Variants in EDIL3 observed in about 807,000 individuals in gnomAD.
EDIL3 encodes the protein EGF like and discoidin domains 3.
A neutral mutation model predicts 67.4 loss-of-function variants in EDIL3; 37 were observed. The ratio of observed to expected loss-of-function variants is 0.55; its 90% CI spans 0.42 to 0.72. EDIL3 has a LOEUF of 0.72. Among genes scored for constraint, EDIL3 ranks in the 30% least tolerant of loss-of-function variants. EDIL3 has a pLI of 0.00. For missense variants in EDIL3, 527 were observed against 586.3 expected (o/e 0.90, Z 1.04); for synonymous variants, 195 against 196.3 (o/e 0.99, Z 0.05).
chr5:84,342,145 TG>T (rs1286056724), intron 1 of EDIL3, among the ~76,000 whole-genome samples: 1 of 151,894 alleles, frequency 6.6e-6, no homozygotes, highest in Non-Finnish European at 1.5e-5. Flanking sequence ...GAAAATAGAG[TG>T]TATATAGACA....
At chr5:83,958,985 G>T (rs1447014508) in intron 10 of EDIL3, among the ~76,000 whole-genome samples, 1 of 151,040 alleles carries the variant, frequency 6.6e-6, no homozygotes, top group Non-Finnish European at 1.5e-5. Flanking sequence ...GTCATCACAG[G>T]CTCAATTACA....
chr5:84,202,576 G>T (rs1205746456), intron 3 of EDIL3, among the ~76,000 whole-genome samples: 1 of 152,142 alleles, frequency 6.6e-6, no homozygotes, highest in African/African-American at 2.4e-5. Context: ...CTAAAGAAAA[G>T]AGTGGAAATA....
intron 8 of EDIL3, among the ~76,000 whole-genome samples, chr5:84,063,823 C>T (rs1231744090): frequency 6.6e-6 from 1 of 152,090 alleles, no homozygotes; most frequent in East Asian, 1.9e-4. Context: ...AGCACACACG[C>T]ACTTTTAGTT....
At chr5:83,957,895 A>G (rs987339658) in intron 10 of EDIL3, among the ~76,000 whole-genome samples, 12 of 151,622 alleles carry the variant, frequency 7.9e-5, no homozygotes, top group African/African-American at 2.9e-4. Context: ...AACTGAATAC[A>G]CAGTTGGATG....
intron 4 of EDIL3, among the ~76,000 whole-genome samples, chr5:84,159,204 C>A (rs551284611): frequency 2.0e-5 from 3 of 152,020 alleles, no homozygotes; most frequent in Non-Finnish European, 4.4e-5. Flanking sequence ...AAGGCAATAT[C>A]TATCTATTAT....
chr5:84,305,997 C>G (rs1746269232), intron 1 of EDIL3, among the ~76,000 whole-genome samples: 1 of 151,960 alleles, frequency 6.6e-6, no homozygotes, highest in African/African-American at 2.4e-5. Flanking sequence ...ATTCTCTGAT[C>G]TACAAATGAA....
At chr5:84,176,016 T>C (rs944828075) in intron 4 of EDIL3, among the ~76,000 whole-genome samples, 5 of 151,408 alleles carry the variant, frequency 3.3e-5, no homozygotes, top group African/African-American at 7.3e-5. Context: ...AAGTGAAATA[T>C]GGAAGTTACA....
At chr5:84,015,286 A>G (rs1745583230) in intron 9 of EDIL3, among the ~76,000 whole-genome samples, 1 of 152,196 alleles carries the variant, frequency 6.6e-6, no homozygotes, top group South Asian at 2.1e-4. Flanking sequence ...TTAAATGATA[A>G]AAGTCATCTA....
At chr5:84,142,650 T>C (rs145609504) in intron 4 of EDIL3, among the ~76,000 whole-genome samples, 9 of 152,150 alleles carry the variant, frequency 5.9e-5, no homozygotes, top group African/African-American at 1.4e-4. Context: ...GGGATAGATA[T>C]CTATCTAACC....
chr5:84,373,150 T>A (rs1288712678), intron 1 of EDIL3, among the ~76,000 whole-genome samples: 1 of 152,166 alleles, frequency 6.6e-6, no homozygotes, highest in Non-Finnish European at 1.5e-5. Context: ...TTCCTTAGTA[T>A]AAGTACTCCT....
chr5:84,078,717 C>A (rs1484649214), intron 6 of EDIL3: 1 of 152,134 alleles, frequency 6.6e-6, no homozygotes, highest in Non-Finnish European at 1.5e-5. Context: ...GGGGAAAAAT[C>A]ATTGGTTTCT....
At chr5:84,225,275 A>T (rs1458866906) in intron 3 of EDIL3, among the ~76,000 whole-genome samples, 1 of 151,676 alleles carries the variant, frequency 6.6e-6, no homozygotes, top group Non-Finnish European at 1.5e-5. Context: ...CATCCCCTCT[A>T]CGAGTCAACA....
At chr5:83,990,072 T>C (rs1017366705) in intron 9 of EDIL3, among the ~76,000 whole-genome samples, 2 of 152,296 alleles carry the variant, frequency 1.3e-5, no homozygotes, top group Admixed American at 1.3e-4. Flanking sequence ...AACAACTTAA[T>C]TGCAACCTTC....
chr5:84,238,451 G>A (rs571142756), intron 2 of EDIL3, among the ~76,000 whole-genome samples: 15 of 152,020 alleles, frequency 9.9e-5, no homozygotes, highest in Middle Eastern at 3.4e-3. Flanking sequence ...AGATATTTCC[G>A]TGAAATCTGT....
At chr5:84,199,928 C>T (rs1743796971) in intron 3 of EDIL3, among the ~76,000 whole-genome samples, 1 of 152,018 alleles carries the variant, frequency 6.6e-6, no homozygotes, top group African/African-American at 2.4e-5. Context: ...AAACTGAGAG[C>T]AACTAAAGCA....
intron 1 of EDIL3, among the ~76,000 whole-genome samples, chr5:84,287,037 G>A (rs547742972): frequency 5.3e-5 from 8 of 152,266 alleles, no homozygotes; most frequent in Middle Eastern, 3.4e-3. Flanking sequence ...TGAAATGCTT[G>A]TAACCAGAAA....
intron 1 of EDIL3, among the ~76,000 whole-genome samples, chr5:84,260,563 A>G (rs1011942540): frequency 3.9e-5 from 6 of 152,202 alleles, no homozygotes; most frequent in African/African-American, 1.4e-4. Flanking sequence ...AACATATACT[A>G]TTGTATTAAT....
intron 1 of EDIL3, among the ~76,000 whole-genome samples, chr5:84,362,475 C>T (rs1411037188): frequency 6.6e-6 from 1 of 152,084 alleles, no homozygotes; most frequent in Non-Finnish European, 1.5e-5. Context: ...GGTTTACATT[C>T]CTAATATGTC....
chr5:84,121,228 A>G (rs1747769142), intron 5 of EDIL3, among the ~76,000 whole-genome samples: 1 of 152,046 alleles, frequency 6.6e-6, no homozygotes, highest in Non-Finnish European at 1.5e-5. Context: ...GTGAGAAATC[A>G]AAATACTGAT....
Sources: gnomAD v4.1 joint callset for allele counts (sites outside exome capture counted in the v4.1 genomes callset) on GRCh38, gnomAD v4.1.1 for gene constraint, MANE v1.5 for transcripts, NCBI Gene and HGNC (gene_info 2026-07-23, HGNC 2026-07-21) for gene names.